The following PRAG1 variants were observed in gnomAD, a reference collection of about 807,000 sequenced individuals.
The protein encoded by PRAG1 is inactive tyrosine-protein kinase PRAG1.
PRAG1 carries 110 observed loss-of-function variants against 95.6 expected under a neutral mutation model. The observed-to-expected ratio is 1.15, with a 90% CI of 0.99 to 1.35. PRAG1 has a LOEUF of 1.35. Among genes scored for constraint, PRAG1 ranks in the 40% most tolerant of loss-of-function variants. The pLI, the probability that PRAG1 is intolerant of heterozygous loss-of-function variation, is 0.00. For synonymous variants in PRAG1, 1,052 were observed against 819.4 expected, an observed-to-expected ratio of 1.28 and a Z score of -4.85; for missense variants, 2,554 against 1,864.7, an observed-to-expected ratio of 1.37 and a Z score of -6.81.
rs200834628 is a variant in PRAG1 at position 8,319,302 on chromosome 8, T to A, written c.3073A>T (p.Ile1025Phe). The A allele has an allele frequency of 2.7e-6, 4 of 1,503,848 alleles. No homozygotes were observed. Among genetic ancestry groups the A allele is most frequent in the African/African-American group, 1.4e-5 (1 of 71,552 alleles). The allele number at this position is 1,503,848 out of a possible 1,614,324, so 93.2% of individuals were successfully genotyped here. The change falls in exon 6 of 6, where the codon ATC (isoleucine) becomes TTC (phenylalanine). Residue 1025 changes from isoleucine to phenylalanine, a missense_variant and splice_region_variant. Ile to Phe is a conservative substitution (Grantham distance 21). Transcript: ENST00000615670. ...GTTTTGGGCTCAGGGGCTTTGCAGATCTGTGGAGAGAAGAAGAAGTGAAAT... is the reference window on the plus strand; with the variant it reads ...GTTTTGGGCTCAGGGGCTTTGCAGAACTGTGGAGAGAAGAAGAAGTGAAAT... Reference protein sequence around the residue: ...EDPGSTYAVKICKAPEPKTVS... With the variant: ...EDPGSTYAVKFCKAPEPKTVS...
At chr8:8,363,917 A>T (rs1799924119) in intron 3 of PRAG1, among the ~76,000 whole-genome samples, 1 of 152,134 alleles carries the variant, frequency 6.6e-6, no homozygotes, top group Admixed American at 6.5e-5. Context: ...ATGTTTCTGG[A>T]CATATTTCTA....
chr8:8,381,714 G>A lies in PRAG1; in HGVS notation c.34C>T (p.Leu12=), dbSNP rs1437081368. 2 of 1,603,290 alleles carry A rather than the reference G, an allele frequency of 1.2e-6. No individual in the cohort carries two copies. Among genetic ancestry groups the A allele is most frequent in the Non-Finnish European group, 1.7e-6 (2 of 1,171,778 alleles). ...AAGTCACTGCACGCAGACATTTTCA[G>A]GCTCTCGGGGTTCAGGCAGAGGGTC... ...HQTLCLNPES[L]KMSACSDFVE... Residue 12 remains leucine, a synonymous_variant, in exon 2 of 6, where the codon CTG becomes TTG. Coordinates refer to ENST00000615670, the MANE Select transcript of PRAG1 (RefSeq NM_001080826.3).
chr8:8,342,514 A>G (rs2116844016), intron 3 of PRAG1, among the ~76,000 whole-genome samples: 1 of 152,248 alleles, frequency 6.6e-6, no homozygotes, highest in Non-Finnish European at 1.5e-5. Flanking sequence ...GGTAATTTTT[A>G]TAAGAGAAAC....
chr8:8,350,698 C>T (rs1563241897), intron 3 of PRAG1, among the ~76,000 whole-genome samples: 2 of 152,166 alleles, frequency 1.3e-5, no homozygotes, highest in Non-Finnish European at 2.9e-5. Context: ...TGCTTCACGG[C>T]CTGGGTTCGG....
In PRAG1 at chr8:8,339,486, C is replaced by T. The variant is rs199636339; in HGVS notation, c.2312G>A (p.Ser771Asn). The T allele has an allele frequency of 4.0e-5, 64 of 1,613,974 alleles. No individual in the cohort carries two copies. The African/African-American group carries it at 7.9e-4, about 20-fold the overall frequency. Residue 771 changes from serine to asparagine, a missense_variant, in exon 4 of 6, where the codon AGC becomes AAC. Transcript: ENST00000615670. ...AATGTCAAGTTTGTTACCTCCATCGCTGCAGGTCCTAGAGTCTGAGGCCAG... is the reference window on the plus strand; with the variant it reads ...AATGTCAAGTTTGTTACCTCCATCGTTGCAGGTCCTAGAGTCTGAGGCCAG... ...DSLASDSRTCSDGGPSSELAH... is the reference protein window; with the variant it reads ...DSLASDSRTCNDGGPSSELAH...
Position 8,377,515 on chromosome 8 carries a change from T to C in PRAG1, c.894A>G (p.Ala298=), listed in dbSNP as rs779202899. 6.4e-7 allele frequency: 1 copy of C among 1,569,564 alleles called. No homozygotes were observed. Among genetic ancestry groups the C allele is most frequent in the African/African-American group, 1.4e-5 (1 of 74,050 alleles). The part of the protein sequence containing the change: ...CWEQGKCSGP[A]EQEKRGPSFP... ...AGCTCGGGCCCCGCTTCTCCTGCTCTGCGGGCCCGGAACACTTCCCCTGCT... is the reference window on the plus strand; with the variant it reads ...AGCTCGGGCCCCGCTTCTCCTGCTCCGCGGGCCCGGAACACTTCCCCTGCT... Residue 298 remains alanine, a synonymous_variant, in exon 3 of 6, where the codon GCA becomes GCG. Coordinates refer to ENST00000615670, the MANE Select transcript of PRAG1 (RefSeq NM_001080826.3).
intron 4 of PRAG1, 134 bp from the exon 5 acceptor site, chr8:8,328,595 C>T: frequency 3.0e-6 from 3 of 992,604 alleles, no homozygotes; most frequent in Non-Finnish European, 4.3e-6. Context: ...TTTTCTATTT[C>T]TCTAATAGAC....
At chr8:8,353,710 G>C (rs1363863692) in intron 3 of PRAG1, among the ~76,000 whole-genome samples, 1 of 152,152 alleles carries the variant, frequency 6.6e-6, no homozygotes, top group African/African-American at 2.4e-5. Context: ...GGGAGGCCAA[G>C]GCTGAAAGAC....
chr8:8,353,689 C>G (rs1799595229), intron 3 of PRAG1, among the ~76,000 whole-genome samples: 1 of 152,094 alleles, frequency 6.6e-6, no homozygotes, highest in Non-Finnish European at 1.5e-5. Flanking sequence ...TGCCCATAAT[C>G]CCAGTACTTT....
Position 8,377,462 on chromosome 8 carries a change from G to A in PRAG1, c.947C>T (p.Pro316Leu). The change falls in exon 3 of 6, where the codon CCC (proline) becomes CTC (leucine). Residue 316 changes from proline to leucine, a missense_variant. Physicochemically the swap from Pro to Leu is moderately conservative, Grantham distance 98 (BLOSUM62 -3). Coordinates refer to ENST00000615670, the MANE Select transcript of PRAG1 (RefSeq NM_001080826.3). ...SFPKECCSQG[P>L]TAHPSCLGPK... ...GCCCAGGCAGGATGGGTGGGCAGTG[G>A]GGCCCTGGCTACAGCACTCCTTGGG... is the stretch of plus-strand genomic sequence containing the variant. The A allele has an allele frequency of 6.4e-7, 1 of 1,551,326 alleles. No individual in the cohort carries two copies. The highest frequency in any genetic ancestry group is 1.7e-4 in the Middle Eastern group (1 of 5,734).
intron 3 of PRAG1, among the ~76,000 whole-genome samples, chr8:8,354,165 A>G (rs988179004): frequency 2.6e-5 from 4 of 152,156 alleles, no homozygotes. Context: ...TTATATGCCA[A>G]CAAATTGGAT....
rs763668775 is a variant in PRAG1, at chr8:8,345,730, G to A, written c.2163-6095C>T. Among the ~76,000 whole-genome samples the A allele has an allele frequency of 3.3e-5, 5 of 152,294 alleles. 1 individual carries two copies. In the Middle Eastern group the frequency reaches 0.01, roughly 311 times the overall value. ...GAATCGCTCAAACCCGGGAGGCGGA[G>A]GTTGCAGTGAGCTGAGATGGCACCA... is the stretch of plus-strand genomic sequence containing the variant. On this transcript the variant is annotated intron_variant, in intron 3 of 5. Coordinates refer to ENST00000615670, the MANE Select transcript of PRAG1 (RefSeq NM_001080826.3).
At position 8,318,382 on chromosome 8, in the gene PRAG1, C is replaced by A. The variant is rs376785459; in HGVS notation, c.3993G>T (p.Gly1331=). Residue 1331 remains glycine, a synonymous_variant, in exon 6 of 6, where the codon GGG becomes GGT. Coordinates refer to ENST00000615670, the MANE Select transcript of PRAG1 (RefSeq NM_001080826.3). The surrounding 1 kb of genome is among the most constrained non-coding windows in gnomAD (Gnocchi z 4.2). The part of the protein sequence containing the change: ...AKRVLQCLLW[G]PRRELVQQPG... ...GCTGCTGCACCAGCTCGCGCCGAGG[C>A]CCCCACAGCAGGCACTGCAGCACGC... The A allele has an allele frequency of 2.5e-6, 4 of 1,613,260 alleles. No homozygotes were observed. Among genetic ancestry groups the A allele is most frequent in the African/African-American group, 2.7e-5 (2 of 74,920 alleles).
chr8:8,335,296 G>T (rs1322494407), intron 4 of PRAG1, among the ~76,000 whole-genome samples: 1 of 152,108 alleles, frequency 6.6e-6, no homozygotes, highest in Non-Finnish European at 1.5e-5. Context: ...GCAAGAGAGG[G>T]ATTTATAACC....
chr8:8,351,801 C>T (rs1489082213), intron 3 of PRAG1, among the ~76,000 whole-genome samples: 1 of 152,116 alleles, frequency 6.6e-6, no homozygotes, highest in Admixed American at 6.5e-5. Context: ...AAAGAATCTC[C>T]CATGAGTACC....
rs754235216 is a variant in PRAG1, at chr8:8,319,318, G to A, written c.3073-16C>T. On this transcript the variant is annotated splice_polypyrimidine_tract_variant and intron_variant, in intron 5 of 5. Transcript: ENST00000615670. ...CTTTGCAGATCTGTGGAGAGAAGAA[G>A]AAGTGAAATCAAGAGTGGGGCCCAT... 4 of 1,490,232 alleles carry A rather than the reference G, an allele frequency of 2.7e-6. No individual in the cohort carries two copies. Among genetic ancestry groups the A allele is most frequent in the South Asian group, 2.8e-5 (2 of 71,704 alleles). 92.3% of individuals were successfully genotyped at this position (1,490,232 alleles called of 1,614,324 possible). A position where few individuals can be genotyped will look rare whatever the true frequency, so the allele number is the denominator to read the frequency against.
chr8:8,381,459 C>T lies in PRAG1; in HGVS notation c.289G>A (p.Asp97Asn), dbSNP rs765758564. Residue 97 changes from aspartate (D) to asparagine (N), a missense_variant, in exon 2 of 6, where the codon GAT becomes AAT. Transcript: ENST00000615670. ...KPTMMSSEASDVWTEANLSAE... is the reference protein window; with the variant it reads ...KPTMMSSEASNVWTEANLSAE... ...CTCAGGTTGGCCTCTGTCCACACAT[C>T]AGAGGCCTCGGAGCTCATCATGGTG... The T allele has an allele frequency of 6.2e-7, 1 of 1,614,174 alleles. No individual in the cohort carries two copies. Among genetic ancestry groups the T allele is most frequent in the East Asian group, 2.2e-5 (1 of 44,876 alleles).
intron 3 of PRAG1, among the ~76,000 whole-genome samples, chr8:8,373,464 T>G (rs1251110281): frequency 6.6e-6 from 1 of 151,694 alleles, no homozygotes; most frequent in African/African-American, 2.4e-5. Context: ...ATTTTTTTTT[T>G]TTTGAGACAG....
intron 3 of PRAG1, among the ~76,000 whole-genome samples, chr8:8,352,686 T>C (rs1004736316): frequency 3.3e-5 from 5 of 152,228 alleles, no homozygotes; most frequent in Non-Finnish European, 5.9e-5. Context: ...TTTCCCTTCA[T>C]CTCTACCTCT....
Sources: allele counts gnomAD v4.1 joint callset (sites outside exome capture counted in the v4.1 genomes callset), GRCh38; gene constraint gnomAD v4.1.1; non-coding constraint Gnocchi (gnomAD v3.1); transcripts MANE v1.5; gene names NCBI Gene and HGNC (gene_info 2026-07-23, HGNC 2026-07-21).